CCDC85A: variants seen among roughly 807,000 people sequenced by gnomAD.
The protein encoded by CCDC85A is coiled-coil domain containing 85A.
Under a neutral mutation model 50.2 loss-of-function variants are expected in CCDC85A, and 38 were observed. That is an observed-to-expected ratio of 0.76 (90% CI 0.58 to 0.99). CCDC85A has a LOEUF of 0.99. Ranked by LOEUF, CCDC85A falls within the 50% of genes least tolerant of loss-of-function variation. The pLI, the probability that CCDC85A is intolerant of heterozygous loss-of-function variation, is 0.00. For missense variants in CCDC85A, 820 were observed against 742.0 expected (o/e 1.11, Z -1.22); for synonymous variants, 366 against 301.4 (o/e 1.21, Z -2.22).
chr2:56,369,630 T>G lies in CCDC85A; in HGVS notation c.1318-2714T>G, dbSNP rs555569297. On this transcript the variant is annotated intron_variant, in intron 3 of 5. Transcript: ENST00000407595. The stretch of plus-strand genomic sequence containing the variant: ...GCTTAAAACATAGGTCACTTCATAC[T>G]TTATTACTGAGGTTTCCAACAAATA... 2.1e-3 allele frequency among the ~76,000 whole-genome samples: 325 copies of G among 152,282 alleles called. 1 individual carries two copies. Among genetic ancestry groups the G allele is most frequent in the Non-Finnish European group, 4.0e-3 (269 of 67,974 alleles).
intron 2 of CCDC85A, among the ~76,000 whole-genome samples, chr2:56,285,588 TTAA>T (rs1269598480): frequency 1.4e-5 from 2 of 147,512 alleles, no homozygotes; most frequent in African/African-American, 2.5e-5. Flanking sequence ...AATAATATAA[TTAA>T]TAATATTCTT....
At chr2:56,352,900 TA>T (rs1675030232) in intron 3 of CCDC85A, among the ~76,000 whole-genome samples, 1 of 152,148 alleles carries the variant, frequency 6.6e-6, no homozygotes, top group Non-Finnish European at 1.5e-5. Context: ...AGCTTGTCTA[TA>T]AAAGAAAATT....
In CCDC85A at chr2:56,184,090, A is replaced by G; in HGVS notation, c.-535A>G. 1.0e-6 allele frequency: 1 copy of G among 985,110 alleles called. No individual in the cohort carries two copies. The highest frequency in any genetic ancestry group is 1.2e-6 in the Non-Finnish European group (1 of 829,884). 61.0% of individuals were successfully genotyped at this position (985,110 alleles called of 1,614,324 possible). A position where few individuals can be genotyped will look rare whatever the true frequency, so the allele number is the denominator to read the frequency against. On this transcript the variant is annotated 5_prime_UTR_variant, in exon 1 of 6. Transcript: ENST00000407595. The stretch of plus-strand genomic sequence containing the variant: ...AGGAGGAGCGCAGCAGCCTTCGGGC[A>G]GCCGCGGCGGCGTCGCTAGAGCAGC...
intron 2 of CCDC85A, among the ~76,000 whole-genome samples, chr2:56,289,595 T>C (rs1403093409): frequency 6.6e-6 from 1 of 151,978 alleles, no homozygotes; most frequent in Non-Finnish European, 1.5e-5. Flanking sequence ...GTGGTAGAGG[T>C]GGCATGGGAG....
chr2:56,358,340 C>A (rs1675340048), intron 3 of CCDC85A, among the ~76,000 whole-genome samples: 1 of 152,224 alleles, frequency 6.6e-6, no homozygotes, highest in Admixed American at 6.5e-5. Context: ...TAAGAAATTT[C>A]AAGCCTCCAA....
chr2:56,246,091 A>T (rs1669498108), intron 2 of CCDC85A, among the ~76,000 whole-genome samples: 1 of 152,012 alleles, frequency 6.6e-6, no homozygotes, highest in African/African-American at 2.4e-5. Context: ...TCCCTGGCTA[A>T]TTTTTTGTAT....
At chr2:56,271,194 G>T (rs187804830) in intron 2 of CCDC85A, among the ~76,000 whole-genome samples, 1 of 152,306 alleles carries the variant, frequency 6.6e-6, no homozygotes, top group African/African-American at 2.4e-5. Context: ...GGCGTCAAAT[G>T]TGGGTCAGTT....
chr2:56,362,286 G>A (rs1214501542), intron 3 of CCDC85A, among the ~76,000 whole-genome samples: 3 of 152,178 alleles, frequency 2.0e-5, no homozygotes, highest in Admixed American at 1.3e-4. Flanking sequence ...GAGGTGCAGG[G>A]GAATCAAGTT....
chr2:56,221,851 C>T (rs773458027), intron 2 of CCDC85A, among the ~76,000 whole-genome samples: 1 of 152,022 alleles, frequency 6.6e-6, no homozygotes, highest in African/African-American at 2.4e-5. Flanking sequence ...AATACCACAA[C>T]AAAAATTTAT....
chr2:56,259,364 C>G (rs1249513271), intron 2 of CCDC85A, among the ~76,000 whole-genome samples: 1 of 152,152 alleles, frequency 6.6e-6, no homozygotes, highest in Non-Finnish European at 1.5e-5. Flanking sequence ...GACCAAGGAG[C>G]CAATGGGCCC....
chr2:56,198,406 T>C lies in CCDC85A; in HGVS notation c.1240+4966T>C, dbSNP rs558489689. On this transcript the variant is annotated intron_variant, in intron 2 of 5. Coordinates refer to ENST00000407595, the MANE Select transcript of CCDC85A (RefSeq NM_001080433.2). ...TATTTCTGTTGTGTGAACTGACAGA[T>C]GGTTAAAGAAATAATAATGGTTTTT... Among the ~76,000 whole-genome samples, 5 of 152,370 alleles carry C rather than the reference T, an allele frequency of 3.3e-5. No individual in the cohort carries two copies. In the East Asian group the frequency reaches 9.6e-4, roughly 29 times the overall value.
At chr2:56,185,040 TC>T in intron 1 of CCDC85A, 140 bp downstream of exon 1, 2 of 1,033,764 alleles carry the variant, frequency 1.9e-6, no homozygotes, top group Non-Finnish European at 2.6e-6. Context: ...CTACCCCCAG[TC>T]CCCAGCCCCT....
intron 2 of CCDC85A, among the ~76,000 whole-genome samples, chr2:56,297,898 T>C (rs1672028099): frequency 6.6e-6 from 1 of 152,112 alleles, no homozygotes; most frequent in South Asian, 2.1e-4. Context: ...GTAACCAGGG[T>C]TGTGAAATGG....
Position 56,184,573 on chromosome 2 carries a change from G to T in CCDC85A, c.-52G>T, listed in dbSNP as rs1675909192. The T allele has an allele frequency of 3.7e-6, 5 of 1,363,850 alleles. 1 individual carries two copies. In the South Asian group the frequency reaches 7.0e-5, roughly 19 times the overall value. The allele number at this position is 1,363,850 out of a possible 1,614,324, so 84.5% of individuals were successfully genotyped here. On this transcript the variant is annotated 5_prime_UTR_variant, in exon 1 of 6. Transcript: ENST00000407595. ...GCGGCCTCGCCGCGCCCGCGCCTTCGGGAGTCGCCTCGCCTCTTCCACCCA... is the reference window on the plus strand; with the variant it reads ...GCGGCCTCGCCGCGCCCGCGCCTTCTGGAGTCGCCTCGCCTCTTCCACCCA...
At chr2:56,315,276 G>T (rs1164076534) in intron 2 of CCDC85A, among the ~76,000 whole-genome samples, 1 of 152,026 alleles carries the variant, frequency 6.6e-6, no homozygotes, top group Non-Finnish European at 1.5e-5. Flanking sequence ...TAATTGTTTT[G>T]CCAGCCTGCA....
chr2:56,377,998 A>G (rs1676419052), intron 5 of CCDC85A, among the ~76,000 whole-genome samples: 1 of 152,226 alleles, frequency 6.6e-6, no homozygotes, highest in Non-Finnish European at 1.5e-5. Context: ...CAAGTGAAAC[A>G]TCTTTATTAG....
intron 2 of CCDC85A, among the ~76,000 whole-genome samples, chr2:56,226,613 A>G (rs1010907874): frequency 7.9e-5 from 12 of 151,842 alleles, no homozygotes; most frequent in Non-Finnish European, 1.6e-4. Context: ...TAGCTTCATT[A>G]CATTTGGTGT....
chr2:56,192,493 T>C lies in CCDC85A; in HGVS notation c.293T>C (p.Leu98Pro). ...TCTTTTCAGGATATCAACCAGAAAC[T>C]CCAGGAAGACAACCAGGAACTGAGG... is the stretch of plus-strand genomic sequence containing the variant. ...IRGLKDINQK[L>P]QEDNQELRDL... The change falls in exon 2 of 6, where the codon CTC becomes CCC. Residue 98 changes from leucine to proline, a missense_variant. By Grantham distance (98) the Leu-to-Pro change is moderately conservative. Coordinates refer to ENST00000407595, the MANE Select transcript of CCDC85A (RefSeq NM_001080433.2). This position sits in a 1 kb window ranked among gnomAD's most constrained non-coding sequence, Gnocchi z 4.7. The C allele has an allele frequency of 1.2e-6, 2 of 1,611,624 alleles. No homozygotes were observed. The highest frequency in any genetic ancestry group is 1.7e-6 in the Non-Finnish European group (2 of 1,178,832).
chr2:56,328,383 G>A (rs1195344647), intron 2 of CCDC85A, among the ~76,000 whole-genome samples: 2 of 152,084 alleles, frequency 1.3e-5, no homozygotes, highest in Non-Finnish European at 2.9e-5. Context: ...GGGGACAAGG[G>A]GATAAAGTGA....
Sources: allele counts gnomAD v4.1 joint callset (sites outside exome capture counted in the v4.1 genomes callset), GRCh38; gene constraint gnomAD v4.1.1; non-coding constraint Gnocchi (gnomAD v3.1); transcripts MANE v1.5; gene names NCBI Gene and HGNC (gene_info 2026-07-23, HGNC 2026-07-21).